The following CLEC4M variants were observed in gnomAD, a reference collection of about 807,000 sequenced individuals.
CLEC4M encodes the protein C-type lectin domain family 4 member M.
In CLEC4M, 25 loss-of-function variants were observed where a neutral mutation model predicts 39.1. The ratio of observed to expected loss-of-function variants is 0.64; its 90% CI spans 0.47 to 0.89. The LOEUF (loss-of-function observed/expected upper bound fraction) is 0.89. Ranked by LOEUF, CLEC4M falls within the 40% of genes least tolerant of loss-of-function variation. CLEC4M has a pLI of 0.00. For missense variants in CLEC4M, 353 were observed against 431.4 expected, an observed-to-expected ratio of 0.82 and a Z score of 1.61; for synonymous variants, 155 against 177.4, an observed-to-expected ratio of 0.87 and a Z score of 1.00.
At position 7,766,932 on chromosome 19, in the gene CLEC4M, G is replaced by A; in HGVS notation, c.936+125G>A. On this transcript the variant is annotated intron_variant, in intron 5 of 6. Coordinates refer to ENST00000327325, the MANE Select transcript of CLEC4M (RefSeq NM_014257.5). ...CTATTTGGAAAGATGGGAAGAGAAG[G>A]ATATGAATGAAGGGGTCCCAGGTAC... 11 of 1,510,252 alleles carry A rather than the reference G, an allele frequency of 7.3e-6. No homozygotes were observed. The South Asian group carries it at 1.4e-4, about 19-fold the overall frequency. 93.6% of individuals were successfully genotyped at this position (1,510,252 alleles called of 1,614,324 possible).
At chr19:7,767,989 AG>A (rs958988319) in intron 6 of CLEC4M, 1 of 179,296 alleles carries the variant, frequency 5.6e-6, no homozygotes, top group Non-Finnish European at 1.2e-5. Context: ...ATTTCACAGC[AG>A]GGGGCCGCTG....
chr19:7,765,396 A>G (rs765042577), intron 3 of CLEC4M, 128 bp downstream of exon 3: 3 of 1,184,924 alleles, frequency 2.5e-6, no homozygotes, highest in Non-Finnish European at 1.2e-6. Context: ...GGGGGTCTGT[A>G]GGGGCCTCTC....
chr19:7,766,409 G>A (rs2034277708), intron 4 of CLEC4M: 2 of 1,455,556 alleles, frequency 1.4e-6, no homozygotes, highest in Middle Eastern at 2.5e-4. Flanking sequence ...GCTGCCTTCT[G>A]TTCTGAGCTC....
At position 7,768,841 on chromosome 19, in the gene CLEC4M, C is replaced by T. The variant is rs1351937329; in HGVS notation, c.1053C>T (p.Phe351=). The T allele has an allele frequency of 6.2e-7, 1 of 1,613,914 alleles. No homozygotes were observed. ...WVDGSPLSPS[F]QRYWNSGEPN... The stretch of plus-strand genomic sequence containing the variant: ...ACATTCTGCATGGGCTTTGCAGCTT[C>T]CAGCGGTACTGGAACAGTGGAGAAC... Residue 351 remains phenylalanine (F), a synonymous_variant, in exon 7 of 7, where the codon TTC becomes TTT. Coordinates refer to ENST00000327325, the MANE Select transcript of CLEC4M (RefSeq NM_014257.5).
chr19:7,767,334 C>G, intron 5 of CLEC4M, 182 bp from the exon 6 acceptor site: 2 of 581,918 alleles, frequency 3.4e-6, no homozygotes, highest in South Asian at 2.1e-5. Context: ...GCCTGCATGT[C>G]AGGACACACA....
rs2034199537 is a variant in CLEC4M at position 7,765,229 on chromosome 19, A to G, written c.175A>G (p.Met59Val). Reference sequence around the variant, plus strand: ...CCTGGTGCTGCAACTCCTCTCCTTCATGCTCTTGGCTGGGGTCCTGGTGGC... The same window carrying G: ...CCTGGTGCTGCAACTCCTCTCCTTCGTGCTCTTGGCTGGGGTCCTGGTGGC... ...GALVLQLLSF[M>V]LLAGVLVAIL... is the part of the protein sequence containing the mutation. The change falls in exon 3 of 7, where the codon ATG becomes GTG. Residue 59 changes from methionine to valine, a missense_variant. Physicochemically the swap from Met to Val is conservative, Grantham distance 21. Around this residue, in one of 4 missense-constraint regions of CLEC4M, gnomAD observed 91 missense variants for 77.8 expected, o/e 1.17. Transcript: ENST00000327325. 1.1e-5 allele frequency: 17 copies of G among 1,613,884 alleles called. No homozygotes were observed. The highest frequency in any genetic ancestry group is 2.7e-5 in the African/African-American group (2 of 74,864).
At position 7,767,520 on chromosome 19, in the gene CLEC4M, TC is replaced by T; in HGVS notation, c.943del (p.Leu315TyrfsTer19). 6.8e-6 allele frequency: 11 copies of T among 1,613,912 alleles called. No individual in the cohort carries two copies. The highest frequency in any genetic ancestry group is 9.3e-6 in the Non-Finnish European group (11 of 1,179,798). Reference sequence around the variant, plus strand: ...GACTCCTCCTCTACCCTCCAGAACTTCCTACAGCTGCAGACTTCCAGGAGTA... The same window carrying T: ...GACTCCTCCTCTACCCTCCAGAACTTCTACAGCTGCAGACTTCCAGGAGTA... ...VVIKTAEEQNFLQLQTSRSNR... is the reference protein window; with the variant it reads ...VVIKTAEEQNXLQLQTSRSNR... On this transcript the variant is annotated frameshift_variant, in exon 6 of 7. Transcript: ENST00000327325. LOFTEE classifies it high-confidence loss of function.
rs1322358699 is a variant in CLEC4M, at chr19:7,769,035, C to G, written c.*47C>G. 4 of 1,591,000 alleles carry G rather than the reference C, an allele frequency of 2.5e-6. No homozygotes were observed. In the Admixed American group the frequency reaches 5.1e-5, roughly 20 times the overall value. On this transcript the variant is annotated 3_prime_UTR_variant, in exon 7 of 7. Coordinates refer to ENST00000327325, the MANE Select transcript of CLEC4M (RefSeq NM_014257.5). ...CCTCCATTGTGGTATAGCAGAACTTCACCCACTTGTAAGCCAGCGCTTCTT... is the reference window on the plus strand; with the variant it reads ...CCTCCATTGTGGTATAGCAGAACTTGACCCACTTGTAAGCCAGCGCTTCTT...
intron 4 of CLEC4M, 64 bp downstream of exon 4, chr19:7,766,271 T>G (rs756093181): frequency 6.2e-7 from 1 of 1,602,180 alleles, no homozygotes; most frequent in South Asian, 1.1e-5. Context: ...TGACTTTACT[T>G]GAGTTACCAA....
At chr19:7,765,542 C>A (rs2034218736) in intron 3 of CLEC4M, 96 bp from the exon 4 acceptor site, 3 of 1,558,472 alleles carry the variant, frequency 1.9e-6, no homozygotes, top group East Asian at 2.3e-5. Flanking sequence ...TAACTGAGAC[C>A]TTGGCTCTCA....
Position 7,765,858 on chromosome 19 carries a change from A to G in CLEC4M, c.435A>G (p.Ala145=). The G allele has an allele frequency of 3.6e-6, 2 of 553,470 alleles. No individual in the cohort carries two copies. The highest frequency in any genetic ancestry group is 6.2e-6 in the Non-Finnish European group (2 of 322,432). The allele number at this position is 553,470 out of a possible 1,614,324, so 34.3% of individuals were successfully genotyped here. A position where few individuals can be genotyped will look rare whatever the true frequency, so the allele number is the denominator to read the frequency against. ...AGGAGCTGACCCGGCTGAAGGCTGC[A>G]GTGGGTGAGTTGCCAGAGAAATCCA... ...IYQELTRLKA[A]VGELPEKSKL... The change falls in exon 4 of 7, where the codon GCA becomes GCG. Residue 145 remains alanine (A), a synonymous_variant. Transcript: ENST00000327325.
Position 7,766,766 on chromosome 19 carries a change from G to A in CLEC4M, c.895G>A (p.Val299Met). The change falls in exon 5 of 7, where the codon GTG becomes ATG. Residue 299 changes from valine to methionine, a missense_variant. Around this residue, in one of 4 missense-constraint regions of CLEC4M, gnomAD observed 196 missense variants for 211.7 expected, o/e 0.93. Transcript: ENST00000327325. ...WHDSVTACQE[V>M]RAQLVVIKTA... ...CGACTCCGTCACCGCCTGCCAGGAAGTGAGGGCCCAGCTCGTCGTAATCAA... is the reference window on the plus strand; with the variant it reads ...CGACTCCGTCACCGCCTGCCAGGAAATGAGGGCCCAGCTCGTCGTAATCAA... The A allele has an allele frequency of 1.2e-6, 2 of 1,614,250 alleles. No homozygotes were observed. Among genetic ancestry groups the A allele is most frequent in the Non-Finnish European group, 1.7e-6 (2 of 1,180,048 alleles).
At position 7,765,250 on chromosome 19, in the gene CLEC4M, G is replaced by A. The variant is rs759978815; in HGVS notation, c.196G>A (p.Val66Met). 7 of 1,614,164 alleles carry A rather than the reference G, an allele frequency of 4.3e-6. No homozygotes were observed. The highest frequency in any genetic ancestry group is 1.7e-5 in the Admixed American group (1 of 60,024). Residue 66 changes from valine to methionine, a missense_variant, in exon 3 of 7, where the codon GTG (valine) becomes ATG (methionine). By Grantham distance (21) the Val-to-Met change is conservative. Coordinates refer to ENST00000327325, the MANE Select transcript of CLEC4M (RefSeq NM_014257.5). The part of the protein sequence containing the change: ...LSFMLLAGVL[V>M]AILVQVSKVP... Reference sequence around the variant, plus strand: ...CTTCATGCTCTTGGCTGGGGTCCTGGTGGCCATCCTTGTCCAAGGTCAGGG... The same window carrying A: ...CTTCATGCTCTTGGCTGGGGTCCTGATGGCCATCCTTGTCCAAGGTCAGGG...
Position 7,767,524 on chromosome 19 carries a change from A to G in CLEC4M, c.945A>G (p.Leu315=). 2.5e-6 allele frequency: 4 copies of G among 1,613,976 alleles called. No individual in the cohort carries two copies. Among genetic ancestry groups the G allele is most frequent in the East Asian group, 2.2e-5 (1 of 44,886 alleles). The change falls in exon 6 of 7, where the codon CTA becomes CTG. Residue 315 remains leucine (L), a synonymous_variant. Coordinates refer to ENST00000327325, the MANE Select transcript of CLEC4M (RefSeq NM_014257.5). ...VIKTAEEQNF[L]QLQTSRSNRF... ...CCTCCTCTACCCTCCAGAACTTCCT[A>G]CAGCTGCAGACTTCCAGGAGTAACC...
In CLEC4M at chr19:7,768,856, C is replaced by G; in HGVS notation, c.1068C>G (p.Asn356Lys). ...PLSPSFQRYW[N>K]SGEPNNSGNE... ...TTTGCAGCTTCCAGCGGTACTGGAA[C>G]AGTGGAGAACCCAACAATAGCGGGA... The change falls in exon 7 of 7, where the codon AAC becomes AAG. Residue 356 changes from asparagine to lysine, a missense_variant. Transcript: ENST00000327325. The G allele has an allele frequency of 6.2e-7, 1 of 1,614,116 alleles. No homozygotes were observed. The highest frequency in any genetic ancestry group is 1.1e-5 in the South Asian group (1 of 91,082).
chr19:7,767,979 A>AT (rs2034352817), intron 6 of CLEC4M: 1 of 184,474 alleles, frequency 5.4e-6, no homozygotes. Flanking sequence ...GAGGGCGCAC[A>AT]TTTCACAGCA....
chr19:7,768,073 C>T (rs8113469), intron 6 of CLEC4M: 117,812 of 159,422 alleles, frequency 0.74, 43,942 homozygotes, highest in African/African-American at 0.77. Context: ...TTATGGTTTG[C>T]ATGGGGAGAA....
rs1229545837 is a variant in CLEC4M, at chr19:7,768,827, G to A, written c.1050-11G>A. 6.2e-7 allele frequency: 1 copy of A among 1,612,878 alleles called. No individual in the cohort carries two copies. The highest frequency in any genetic ancestry group is 1.3e-5 in the African/African-American group (1 of 74,892). On this transcript the variant is annotated splice_polypyrimidine_tract_variant and intron_variant, in intron 6 of 6. Coordinates refer to ENST00000327325, the MANE Select transcript of CLEC4M (RefSeq NM_014257.5). ...CAGGGCAGAGGCTCACATTCTGCAT[G>A]GGCTTTGCAGCTTCCAGCGGTACTG...
rs897086448 is a variant in CLEC4M at position 7,766,816 on chromosome 19, G to A, written c.936+9G>A. The A allele has an allele frequency of 2.5e-6, 4 of 1,614,212 alleles. No homozygotes were observed. The highest frequency in any genetic ancestry group is 3.4e-6 in the Non-Finnish European group (4 of 1,180,030). ...AAACTGCTGAGGAGCAGGTACACGTGGTGGGGGTCCTCGTCCTGGCCTGGG... is the reference window on the plus strand; with the variant it reads ...AAACTGCTGAGGAGCAGGTACACGTAGTGGGGGTCCTCGTCCTGGCCTGGG... On this transcript the variant is annotated intron_variant, in intron 5 of 6. Transcript: ENST00000327325.
Sources: allele counts gnomAD v4.1 joint callset, GRCh38; gene constraint gnomAD v4.1.1; regional missense constraint gnomAD v4.1.1; transcripts MANE v1.5; gene names NCBI Gene and HGNC (gene_info 2026-07-23, HGNC 2026-07-21).